KCTD15: variants seen among roughly 807,000 people sequenced by gnomAD.
KCTD15 encodes the protein BTB/POZ domain-containing protein KCTD15.
A neutral mutation model predicts 27.2 loss-of-function variants in KCTD15; 11 were observed. That is an observed-to-expected ratio of 0.41 (90% CI 0.25 to 0.67). KCTD15 has a LOEUF of 0.67. KCTD15 is among the 30% of genes least tolerant of loss of function. KCTD15 has a pLI of 0.35. For missense variants in KCTD15, 350 were observed against 409.3 expected (o/e 0.86, Z 1.25); for synonymous variants, 163 against 176.0 (o/e 0.93, Z 0.58).
At chr19:33,805,247 C>T (rs1245896503) in intron 4 of KCTD15, among the ~76,000 whole-genome samples, 4 of 152,136 alleles carry the variant, frequency 2.6e-5, no homozygotes, top group Non-Finnish European at 4.4e-5. Context: ...TACTACCCTG[C>T]TAGGAGAGAA....
intron 4 of KCTD15, 96 bp downstream of exon 4, chr19:33,801,438 C>G: frequency 8.9e-7 from 1 of 1,117,802 alleles, no homozygotes; most frequent in Non-Finnish European, 1.2e-6. Context: ...CACTGTCACT[C>G]CACCCACCAG....
At chr19:33,807,357 G>T (rs1051471570) in intron 5 of KCTD15, among the ~76,000 whole-genome samples, 1 of 152,150 alleles carries the variant, frequency 6.6e-6, no homozygotes, top group Non-Finnish European at 1.5e-5. Flanking sequence ...GGAGGCCAAG[G>T]TGGGTGGATC....
rs887229957 is a variant in KCTD15, at chr19:33,797,666, C to CG, written c.-127+684dup. ...CCCGGCACACACTCGCAAACACACC[C>CG]GGGGGCGGACCCCCGCCTCTGCAGC... On this transcript the variant is annotated intron_variant, in intron 1 of 6. Coordinates refer to ENST00000683859, the MANE Select transcript of KCTD15 (RefSeq NM_001129994.2). Among the ~76,000 whole-genome samples the CG allele has an allele frequency of 2.0e-5, 3 of 151,274 alleles. No individual in the cohort carries two copies. The Admixed American group carries it at 2.0e-4, about 10-fold the overall frequency.
Position 33,811,545 on chromosome 19 carries a change from C to G in KCTD15, c.686C>G (p.Ser229Trp). The change falls in exon 6 of 7, where the codon TCG becomes TGG. Residue 229 changes from serine to tryptophan, a missense_variant. By Grantham distance (177) the Ser-to-Trp change is radical (BLOSUM62 -3). Transcript: ENST00000683859. ...FPLNGYCRLN[S>W]VQVLERLFQR... ...CTCAATGGCTACTGCCGGCTCAACTCGGTACAGGTGAGGGCTGCACGCTGC... is the reference window on the plus strand; with the variant it reads ...CTCAATGGCTACTGCCGGCTCAACTGGGTACAGGTGAGGGCTGCACGCTGC... The G allele has an allele frequency of 6.2e-7, 1 of 1,603,514 alleles. No homozygotes were observed. Among genetic ancestry groups the G allele is most frequent in the African/African-American group, 1.3e-5 (1 of 74,956 alleles).
intron 5 of KCTD15, among the ~76,000 whole-genome samples, chr19:33,808,663 G>T (rs1292766946): frequency 1.4e-5 from 2 of 147,264 alleles, no homozygotes; most frequent in African/African-American, 5.0e-5. Flanking sequence ...AGGGCAGTCA[G>T]ATCTGCAAAT....
chr19:33,814,993 G>A lies in KCTD15; in HGVS notation c.*2045G>A, dbSNP rs1226670409. ...GCCTATAGTTAGTTGGCACATCTGC[G>A]TTTTGGCATCTGAGGCTCCCATCTG... On this transcript the variant is annotated 3_prime_UTR_variant, in exon 7 of 7. Transcript: ENST00000683859. The A allele has an allele frequency of 2.0e-5, 3 of 152,212 alleles. No homozygotes were observed. The highest frequency in any genetic ancestry group is 2.9e-5 in the Non-Finnish European group (2 of 68,042). 9.4% of individuals were successfully genotyped at this position (152,212 alleles called of 1,614,324 possible). A position where few individuals can be genotyped will look rare whatever the true frequency, so the allele number is the denominator to read the frequency against.
upstream of KCTD15, among the ~76,000 whole-genome samples, chr19:33,794,843 C>G (rs1975268067): frequency 6.6e-6 from 1 of 152,264 alleles, no homozygotes; most frequent in African/African-American, 2.4e-5. Flanking sequence ...GTGCTTGGGA[C>G]AGTCGGCCAC....
At chr19:33,799,600 A>G (rs1975462609) in intron 2 of KCTD15, 1 of 152,276 alleles carries the variant, frequency 6.6e-6, no homozygotes, top group South Asian at 2.1e-4. Context: ...TCAGGTGACT[A>G]CGGCACAGAG....
intron 5 of KCTD15, 48 bp from the exon 6 acceptor site, chr19:33,811,199 C>CCCCCCT: frequency 7.5e-7 from 1 of 1,327,600 alleles, no homozygotes; most frequent in South Asian, 1.5e-5. Context: ...CTTCCCCCAC[C>CCCCCCT]ACCCCTACTC....
At chr19:33,800,311 A>G (rs944812993) in intron 2 of KCTD15, 117 bp from the exon 3 acceptor site, 7 of 796,434 alleles carry the variant, frequency 8.8e-6, no homozygotes, top group Middle Eastern at 2.7e-4. Context: ...GGAGGGCTGC[A>G]TGGACCTCGC....
At chr19:33,797,709 C>T (rs1975386822) in intron 1 of KCTD15, among the ~76,000 whole-genome samples, 1 of 152,220 alleles carries the variant, frequency 6.6e-6, no homozygotes, top group Admixed American at 6.5e-5. Flanking sequence ...TGTCTTCCGG[C>T]GGCCCCCACC....
intron 4 of KCTD15, among the ~76,000 whole-genome samples, chr19:33,803,347 G>C (rs1424143003): frequency 1.3e-5 from 2 of 152,240 alleles, no homozygotes; most frequent in African/African-American, 4.8e-5. Context: ...TATAATATAA[G>C]CAGTTTTCTA....
upstream of KCTD15, chr19:33,796,706 AGGCGGC>A (rs1000701732): frequency 7.3e-6 from 1 of 137,536 alleles, no homozygotes; most frequent in Non-Finnish European, 1.6e-5. Flanking sequence ...CGCGAGGAGG[AGGCGGC>A]GGCGGCGGAG....
chr19:33,806,789 G>C (rs1975724515), intron 4 of KCTD15, 74 bp from the exon 5 acceptor site: 8 of 1,543,122 alleles, frequency 5.2e-6, no homozygotes, highest in Non-Finnish European at 7.1e-6. Context: ...CCTCAGGAGT[G>C]GGGGCGGGGT....
At chr19:33,812,219 C>CA in intron 6 of KCTD15, 1 of 1,069,366 alleles carries the variant, frequency 9.4e-7, no homozygotes, top group Non-Finnish European at 1.1e-6. Context: ...CTCACCCTCA[C>CA]AGAGGCACAA....
chr19:33,811,699 C>T, intron 6 of KCTD15, 147 bp downstream of exon 6: 1 of 1,525,274 alleles, frequency 6.6e-7, no homozygotes, highest in Non-Finnish European at 9.0e-7. Flanking sequence ...TGTGTCGATG[C>T]ATAATTTATG....
At chr19:33,810,897 A>G (rs1315585070) in intron 5 of KCTD15, among the ~76,000 whole-genome samples, 1 of 149,396 alleles carries the variant, frequency 6.7e-6, no homozygotes, top group Non-Finnish European at 1.5e-5. Context: ...ATTCTAAGGC[A>G]GCAGCAGGTC....
chr19:33,801,653 G>A (rs1975552638), intron 4 of KCTD15: 1 of 270,124 alleles, frequency 3.7e-6, no homozygotes, highest in South Asian at 1.4e-4. Context: ...AGCGGGCAGG[G>A]GAGTCTCACG....
At chr19:33,799,213 C>T (rs532251322) in intron 2 of KCTD15, among the ~76,000 whole-genome samples, 2 of 152,268 alleles carry the variant, frequency 1.3e-5, no homozygotes, top group Admixed American at 6.5e-5. Flanking sequence ...GAAACTTGCC[C>T]GGGCACTCAG....
Sources: gnomAD v4.1 joint callset for allele counts (sites outside exome capture counted in the v4.1 genomes callset) on GRCh38, gnomAD v4.1.1 for gene constraint, MANE v1.5 for transcripts, NCBI Gene and HGNC (gene_info 2026-07-23, HGNC 2026-07-21) for gene names.